Variants in WWOX observed in about 807,000 individuals in gnomAD.
WWOX encodes WW domain containing oxidoreductase.
WWOX carries 69 observed loss-of-function variants against 46.2 expected under a neutral mutation model. The observed-to-expected ratio is 1.49, with a 90% CI of 1.23 to 1.82. The LOEUF is 1.82. Among genes scored for constraint, WWOX ranks in the 40% most tolerant of loss-of-function variants. The pLI is 0.00. For synonymous variants in WWOX, 359 were observed against 202.6 expected, an observed-to-expected ratio of 1.77 and a Z score of -6.56; for missense variants, 919 against 542.6, an observed-to-expected ratio of 1.69 and a Z score of -6.89.
At position 78,777,487 on chromosome 16, in the gene WWOX, C is replaced by T. The variant is rs191044536; in HGVS notation, c.1056+344735C>T. Among the ~76,000 whole-genome samples, 6 of 152,240 alleles carry T rather than the reference C, an allele frequency of 3.9e-5. No homozygotes were observed. In the East Asian group the frequency reaches 9.6e-4, roughly 24 times the overall value. On this transcript the variant is annotated intron_variant, in intron 8 of 8. Transcript: ENST00000566780. ...AAGCACAGAGTAGACATTGCAAATA[C>T]AGACGTAGAAAGACACCGTGCCTGC...
chr16:78,914,773 G>A (rs973339747), intron 8 of WWOX, among the ~76,000 whole-genome samples: 1 of 151,758 alleles, frequency 6.6e-6, no homozygotes, highest in Non-Finnish European at 1.5e-5. Flanking sequence ...CAGCTACTCT[G>A]GAGGCTGAGG....
chr16:78,709,141 C>G (rs2048385559), intron 8 of WWOX, among the ~76,000 whole-genome samples: 1 of 152,124 alleles, frequency 6.6e-6, no homozygotes, highest in Non-Finnish European at 1.5e-5. Flanking sequence ...TCTCTAAATC[C>G]ATGAAAAAAT....
intron 8 of WWOX, among the ~76,000 whole-genome samples, chr16:78,658,942 A>G (rs912507125): frequency 9.8e-6 from 1 of 102,116 alleles, no homozygotes; most frequent in Non-Finnish European, 2.2e-5. Context: ...AAATACAAAA[A>G]TTAGCCAGGT....
intron 5 of WWOX, among the ~76,000 whole-genome samples, chr16:78,224,532 A>G (rs1220555007): frequency 6.6e-6 from 1 of 152,148 alleles, no homozygotes; most frequent in Non-Finnish European, 1.5e-5. Context: ...CAATGTCCTA[A>G]TGGATGGGTG....
At chr16:79,180,609 C>A (rs2050891122) in intron 8 of WWOX, among the ~76,000 whole-genome samples, 1 of 152,140 alleles carries the variant, frequency 6.6e-6, no homozygotes, top group African/African-American at 2.4e-5. Context: ...AAAGGAAGGT[C>A]AGTCATTCAT....
At chr16:79,173,897 CATAG>C (rs2050749800) in intron 8 of WWOX, among the ~76,000 whole-genome samples, 1 of 152,144 alleles carries the variant, frequency 6.6e-6, no homozygotes. Context: ...ATATTATCTA[CATAG>C]ATACTTTTTT....
chr16:79,157,595 C>T (rs2050406589), intron 8 of WWOX, among the ~76,000 whole-genome samples: 1 of 152,128 alleles, frequency 6.6e-6, no homozygotes, highest in African/African-American at 2.4e-5. Flanking sequence ...AACTGGCTAT[C>T]TGGAGATGTT....
intron 5 of WWOX, among the ~76,000 whole-genome samples, chr16:78,364,282 T>C (rs538421910): frequency 6.6e-6 from 1 of 152,252 alleles, no homozygotes; most frequent in South Asian, 2.1e-4. Context: ...ACTCTCCTGA[T>C]AGCCACTAAA....
At chr16:78,882,869 C>A (rs2044373114) in intron 8 of WWOX, among the ~76,000 whole-genome samples, 3 of 151,800 alleles carry the variant, frequency 2.0e-5, no homozygotes, top group South Asian at 2.1e-4. Context: ...GCAAAGACTT[C>A]CTGAGTGTCT....
intron 8 of WWOX, among the ~76,000 whole-genome samples, chr16:79,049,415 G>A (rs190401212): frequency 9.2e-5 from 14 of 152,300 alleles, no homozygotes; most frequent in East Asian, 5.8e-4. Flanking sequence ...GTTGTAGGAC[G>A]CAAAACCTTG....
intron 8 of WWOX, among the ~76,000 whole-genome samples, chr16:78,726,679 A>G (rs1438182897): frequency 2.7e-5 from 4 of 149,134 alleles, no homozygotes; most frequent in Non-Finnish European, 5.9e-5. Context: ...GGCTTTATGT[A>G]AAGCCCTAGG....
At chr16:78,914,189 C>A (rs919240616) in intron 8 of WWOX, among the ~76,000 whole-genome samples, 10 of 152,038 alleles carry the variant, frequency 6.6e-5, no homozygotes, top group Admixed American at 2.6e-4. Context: ...TTTTATTTCT[C>A]TGTCTAGCAC....
At chr16:78,261,465 A>G (rs1761776522) in intron 5 of WWOX, among the ~76,000 whole-genome samples, 1 of 150,978 alleles carries the variant, frequency 6.6e-6, no homozygotes, top group Admixed American at 6.6e-5. Context: ...AGCTGTATAA[A>G]AAGAAAAGAC....
At chr16:78,833,203 G>A (rs992793663) in intron 8 of WWOX, among the ~76,000 whole-genome samples, 3 of 152,034 alleles carry the variant, frequency 2.0e-5, no homozygotes, top group African/African-American at 7.2e-5. Flanking sequence ...TCCTGTGCTT[G>A]GTTAATTTTG....
At chr16:78,812,961 T>A (rs142209610) in intron 8 of WWOX, among the ~76,000 whole-genome samples, 2,136 of 152,298 alleles carry the variant, frequency 0.014, 41 homozygotes, top group African/African-American at 0.048. Flanking sequence ...AAATCAAATA[T>A]AAGAATTTTG....
chr16:79,155,900 T>A (rs2050372410), intron 8 of WWOX, among the ~76,000 whole-genome samples: 1 of 147,024 alleles, frequency 6.8e-6, no homozygotes, highest in Non-Finnish European at 1.5e-5. Flanking sequence ...CAGTTGTTTT[T>A]TTTTTAATCT....
intron 8 of WWOX, among the ~76,000 whole-genome samples, chr16:78,639,816 C>T (rs148521863): frequency 8.9e-4 from 135 of 152,156 alleles, no homozygotes; most frequent in African/African-American, 3.1e-3. Flanking sequence ...TCCACCTGCC[C>T]CAGCCTCCCA....
chr16:79,140,742 A>G (rs2050073322), intron 8 of WWOX, among the ~76,000 whole-genome samples: 2 of 152,206 alleles, frequency 1.3e-5, no homozygotes, highest in Non-Finnish European at 2.9e-5. Context: ...TCTGTTAAAC[A>G]TAAGCTTTCA....
intron 8 of WWOX, among the ~76,000 whole-genome samples, chr16:78,919,819 G>A (rs1379953374): frequency 6.6e-6 from 1 of 152,070 alleles, no homozygotes; most frequent in East Asian, 1.9e-4. Context: ...CTGACTAAGT[G>A]GCTTTATTTT....
Sources: gnomAD v4.1 joint callset for allele counts (sites outside exome capture counted in the v4.1 genomes callset) on GRCh38, gnomAD v4.1.1 for gene constraint, MANE v1.5 for transcripts, NCBI Gene and HGNC (gene_info 2026-07-23, HGNC 2026-07-21) for gene names.